FN1: variants seen among roughly 807,000 people sequenced by gnomAD.
The protein encoded by FN1 is fibronectin 1.
Under a neutral mutation model 297.3 loss-of-function variants are expected in FN1, and 106 were observed. The ratio of observed to expected loss-of-function variants is 0.36; its 90% CI spans 0.30 to 0.42. FN1 has a LOEUF of 0.42. FN1 is among the 10% of genes least tolerant of loss of function. The pLI is 1.00. For synonymous variants in FN1, 1,149 were observed against 1,152.6 expected (o/e 1.00, Z 0.06); for missense variants, 2,690 against 3,124.9 (o/e 0.86, Z 3.32).
rs2064189934 is a variant in FN1 at position 215,420,771 on chromosome 2, T to C, written c.1577A>G (p.Asn526Ser). 6.2e-7 allele frequency: 1 copy of C among 1,614,064 alleles called. No individual in the cohort carries two copies. The highest frequency in any genetic ancestry group is 8.5e-7 in the Non-Finnish European group (1 of 1,179,922). Residue 526 changes from asparagine to serine, a missense_variant, in exon 11 of 46, where the codon AAT becomes AGT. Transcript: ENST00000354785. ...ACGCTTGTGGAATGTGTCGTTCACA[T>C]TGTAAGTGATGTCATCAACAATGCA... ...DQCIVDDITY[N>S]VNDTFHKRHE...
In FN1 at chr2:215,368,880, A is replaced by T. The variant is rs1003536771; in HGVS notation, c.6854-853T>A. On this transcript the variant is annotated intron_variant, in intron 41 of 45. Coordinates refer to ENST00000354785, the MANE Select transcript of FN1 (RefSeq NM_212482.4). ...ATGCAAACAAAGCATGCTTCAAATT[A>T]TTCCCTAAAAATTAGATAAACTAAT... Among the ~76,000 whole-genome samples, 58 of 152,334 alleles carry T rather than the reference A, an allele frequency of 3.8e-4. 1 individual carries two copies. The highest frequency in any genetic ancestry group is 1.3e-3 in the African/African-American group (56 of 41,592).
At chr2:215,395,826 T>G (rs2060241780) in intron 23 of FN1, among the ~76,000 whole-genome samples, 1 of 152,210 alleles carries the variant, frequency 6.6e-6, no homozygotes, top group African/African-American at 2.4e-5. Flanking sequence ...TCATTACACT[T>G]GCTAGTGGTC....
chr2:215,365,966 A>ATTTTTTTTTTTTTTT (rs559516647), intron 42 of FN1, among the ~76,000 whole-genome samples: 78 of 90,346 alleles, frequency 8.6e-4, no homozygotes, highest in African/African-American at 9.4e-4. Context: ...CCACAGTGCT[A>ATTTTTTTTTTTTTTT]TTTTTTTTTT....
intron 33 of FN1, chr2:215,379,589 G>A (rs920690095): frequency 1.9e-5 from 6 of 315,874 alleles, no homozygotes; most frequent in Non-Finnish European, 3.5e-5. Context: ...GGTTTTACAA[G>A]TTTTGCTTTC....
In FN1 at chr2:215,408,010, T is replaced by C. The variant is rs2062020831; in HGVS notation, c.2518+98A>G. Reference sequence around the variant, plus strand: ...CCTCTCCCATAAATTATATTGGAGATTTAAAGTGATATGCAGGTCCGCAGT... The same window carrying C: ...CCTCTCCCATAAATTATATTGGAGACTTAAAGTGATATGCAGGTCCGCAGT... On this transcript the variant is annotated intron_variant, in intron 17 of 45. Coordinates refer to ENST00000354785, the MANE Select transcript of FN1 (RefSeq NM_212482.4). The C allele has an allele frequency of 5.7e-6, 5 of 882,016 alleles. 1 individual carries two copies. The East Asian group carries it at 1.4e-4, about 24-fold the overall frequency. 54.6% of individuals were successfully genotyped at this position (882,016 alleles called of 1,614,324 possible).
Position 215,368,037 on chromosome 2 carries a change from AAAGG to A in FN1, c.6854-14_6854-11del. The A allele has an allele frequency of 6.2e-7, 1 of 1,614,038 alleles. No homozygotes were observed. Among genetic ancestry groups the A allele is most frequent in the Non-Finnish European group, 8.5e-7 (1 of 1,179,892 alleles). ...TTCAAGCCTTCGTTGACTATGAAGAAAAGGAAGAAAAAGCAAAAAGAGACATCTT... is the reference window on the plus strand; with the variant it reads ...TTCAAGCCTTCGTTGACTATGAAGAAAAGAAAAAGCAAAAAGAGACATCTT... On this transcript the variant is annotated splice_polypyrimidine_tract_variant and intron_variant, in intron 41 of 45. Transcript: ENST00000354785.
At chr2:215,426,482 T>C (rs984478288) in intron 6 of FN1, among the ~76,000 whole-genome samples, 1 of 151,556 alleles carries the variant, frequency 6.6e-6, no homozygotes, top group African/African-American at 2.4e-5. Context: ...ATCTGTTCTC[T>C]TGAAGGCCAG....
intron 5 of FN1, among the ~76,000 whole-genome samples, chr2:215,430,133 AT>A (rs2066240496): frequency 6.6e-6 from 1 of 152,210 alleles, no homozygotes; most frequent in South Asian, 2.1e-4. Context: ...AATTATTTGG[AT>A]TTGATTTTAA....
chr2:215,435,556 T>C, intron 1 of FN1, 99 bp downstream of exon 1: 1 of 1,537,076 alleles, frequency 6.5e-7, no homozygotes, highest in Non-Finnish European at 8.9e-7. Flanking sequence ...GCGCACACAC[T>C]CGCACACACG....
chr2:215,435,861 T>TC lies in FN1; in HGVS notation c.-60dup. 6.7e-7 allele frequency: 1 copy of TC among 1,497,576 alleles called. No homozygotes were observed. Among genetic ancestry groups the TC allele is most frequent in the Admixed American group, 2.1e-5 (1 of 47,708 alleles). The allele number at this position is 1,497,576 out of a possible 1,614,324, so 92.8% of individuals were successfully genotyped here. ...GAGGCAAGTTGCCACCAAGTTTGCT[T>TC]CCCTTCGCAACCTGCGGGAAAAATC... On this transcript the variant is annotated 5_prime_UTR_variant, in exon 1 of 46. Transcript: ENST00000354785.
chr2:215,377,638 T>G (rs564989578), intron 35 of FN1, among the ~76,000 whole-genome samples: 2 of 152,314 alleles, frequency 1.3e-5, no homozygotes, highest in East Asian at 3.9e-4. Context: ...TTAAGCCTCT[T>G]TTCTTTAGAA....
chr2:215,418,811 A>G (rs1485628622), intron 12 of FN1, among the ~76,000 whole-genome samples: 1 of 152,192 alleles, frequency 6.6e-6, no homozygotes, highest in Non-Finnish European at 1.5e-5. Context: ...GGGAGCTTAG[A>G]TGACATGTTG....
At chr2:215,426,186 T>C (rs2065358056) in intron 6 of FN1, among the ~76,000 whole-genome samples, 1 of 133,034 alleles carries the variant, frequency 7.5e-6, no homozygotes, top group Non-Finnish European at 1.5e-5. Flanking sequence ...TCTCACTCTG[T>C]CACCCAGGCT....
intron 26 of FN1, among the ~76,000 whole-genome samples, chr2:215,389,785 G>A (rs1428725012): frequency 5.2e-5 from 7 of 134,066 alleles, no homozygotes; most frequent in African/African-American, 1.0e-4. Context: ...GGGAGACTCC[G>A]TCTCAAAAAC....
chr2:215,386,803 A>G lies in FN1; in HGVS notation c.4498T>C (p.Ser1500Pro). The G allele has an allele frequency of 6.2e-7, 1 of 1,613,910 alleles. No individual in the cohort carries two copies. ...TTGGTGAGGGTGATGGAATTCCGAG[A>G]GTGGGGCACCCGATCTTCTCGAGGT... ...GRPREDRVPH[S>P]RNSITLTNLT... Residue 1500 changes from serine to proline, a missense_variant, in exon 28 of 46, where the codon TCT becomes CCT. Coordinates refer to ENST00000354785, the MANE Select transcript of FN1 (RefSeq NM_212482.4).
chr2:215,425,250 A>C lies in FN1; in HGVS notation c.880T>G (p.Tyr294Asp). The C allele has an allele frequency of 6.2e-7, 1 of 1,614,146 alleles. No homozygotes were observed. Among genetic ancestry groups the C allele is most frequent in the Non-Finnish European group, 8.5e-7 (1 of 1,180,034 alleles). Residue 294 changes from tyrosine to aspartate, a missense_variant, in exon 7 of 46, where the codon TAC becomes GAC. Around this residue, in one of 3 missense-constraint regions of FN1, gnomAD observed 876 missense variants for 1,058.1 expected, o/e 0.83. Transcript: ENST00000354785. Reference protein sequence around the residue: ...GPFTDVRAAVYQPQPHPQPPP... With the variant: ...GPFTDVRAAVDQPQPHPQPPP... ...GGCTGGGGGTGAGGCTGCGGTTGGT[A>C]AACAGCTGCACGAACATCGGTGAAG...
At chr2:215,369,796 G>A (rs1415761532) in intron 41 of FN1, among the ~76,000 whole-genome samples, 5 of 152,192 alleles carry the variant, frequency 3.3e-5, no homozygotes, top group East Asian at 1.9e-4. Flanking sequence ...AACATTCTCT[G>A]CAGACAGAAA....
chr2:215,404,595 C>G lies in FN1; in HGVS notation c.3047G>C (p.Arg1016Thr), dbSNP rs771981108. 10 of 1,613,794 alleles carry G rather than the reference C, an allele frequency of 6.2e-6. No homozygotes were observed. In the African/African-American group the frequency reaches 1.3e-4, roughly 22 times the overall value. The change falls in exon 20 of 46, where the codon AGA becomes ACA. Residue 1016 changes from arginine (R) to threonine (T), a missense_variant. Coordinates refer to ENST00000354785, the MANE Select transcript of FN1 (RefSeq NM_212482.4). ...TATCTGGGCCCGAGGTGGAGTCCAT[C>G]TCACCAGGACAGTAGAATCAGTTTC... is the stretch of plus-strand genomic sequence containing the variant. ...VNETDSTVLV[R>T]WTPPRAQITG... is the part of the protein sequence containing the mutation.
At chr2:215,385,133 A>G (rs896188154) in intron 28 of FN1, among the ~76,000 whole-genome samples, 157 bp from the exon 29 acceptor site, 23 of 152,292 alleles carry the variant, frequency 1.5e-4, no homozygotes, top group African/African-American at 5.3e-4. Context: ...GACGAATTCA[A>G]GATAAGGGGT....
Sources: allele counts gnomAD v4.1 joint callset (sites outside exome capture counted in the v4.1 genomes callset), GRCh38; gene constraint gnomAD v4.1.1; regional missense constraint gnomAD v4.1.1; transcripts MANE v1.5; gene names NCBI Gene and HGNC (gene_info 2026-07-23, HGNC 2026-07-21).